POGZ: variants seen among roughly 807,000 people sequenced by gnomAD.
POGZ encodes the protein pogo transposable element with ZNF domain.
Under a neutral mutation model 134.6 loss-of-function variants are expected in POGZ, and 17 were observed. That is an observed-to-expected ratio of 0.13 (90% CI 0.09 to 0.19). POGZ has a LOEUF of 0.19. Among genes scored for constraint, POGZ ranks in the 10% least tolerant of loss-of-function variants. The pLI, the probability that POGZ is intolerant of heterozygous loss-of-function variation, is 1.00. For synonymous variants in POGZ, 693 were observed against 657.1 expected, an observed-to-expected ratio of 1.05 and a Z score of -0.84; for missense variants, 1,306 against 1,769.7, an observed-to-expected ratio of 0.74 and a Z score of 4.70.
chr1:151,440,451 A>C (rs1298965090), intron 3 of POGZ, among the ~76,000 whole-genome samples: 2 of 152,098 alleles, frequency 1.3e-5, no homozygotes, highest in African/African-American at 2.4e-5. Context: ...AAAATAAAAT[A>C]CACTAAAAAC....
intron 1 of POGZ, among the ~76,000 whole-genome samples, chr1:151,451,822 C>T (rs1027062075): frequency 3.3e-5 from 5 of 151,468 alleles, no homozygotes; most frequent in African/African-American, 7.3e-5. Flanking sequence ...TTCGGCTGGA[C>T]GCGGTGGCTC....
intron 1 of POGZ, among the ~76,000 whole-genome samples, 150 bp downstream of exon 1, chr1:151,458,973 CCGCGCCGCCACTCGCGGTGGGCGGGGGCG>C: frequency 6.9e-6 from 1 of 144,870 alleles, no homozygotes; most frequent in Non-Finnish European, 1.5e-5. Context: ...CTGCCGCGGG[CCGCGCCGCCACTCGCGGTGGGCGGGGGCG>C]CGCACCGCCG....
intron 1 of POGZ, among the ~76,000 whole-genome samples, chr1:151,450,065 T>C (rs1661855278): frequency 7.7e-6 from 1 of 129,220 alleles, no homozygotes; most frequent in African/African-American, 2.9e-5. Context: ...GGAGTCTTGC[T>C]CTGTCACCCA....
At chr1:151,440,670 T>C (rs1481059033) in intron 3 of POGZ, among the ~76,000 whole-genome samples, 1 of 152,162 alleles carries the variant, frequency 6.6e-6, no homozygotes, top group Non-Finnish European at 1.5e-5. Context: ...GGGTTGACAT[T>C]TTCTCTCCAA....
chr1:151,426,163 A>G (rs146790201), intron 7 of POGZ: 16 of 150,408 alleles, frequency 1.1e-4, no homozygotes, highest in Non-Finnish European at 1.3e-4. Context: ...AGAAAGGTCT[A>G]TTCAGTCCTT....
At chr1:151,439,993 T>G (rs533502645) in intron 3 of POGZ, among the ~76,000 whole-genome samples, 1 of 152,274 alleles carries the variant, frequency 6.6e-6, no homozygotes, top group South Asian at 2.1e-4. Flanking sequence ...ACTATTAAAA[T>G]AAGATATTCA....
chr1:151,431,378 TAGGTAAA>T (rs1484781800), intron 3 of POGZ, among the ~76,000 whole-genome samples: 1 of 152,242 alleles, frequency 6.6e-6, no homozygotes, highest in Non-Finnish European at 1.5e-5. Flanking sequence ...ATATTTTAAC[TAGGTAAA>T]ACCTATTTTA....
chr1:151,412,162 C>T, intron 11 of POGZ, 134 bp downstream of exon 11: 3 of 566,928 alleles, frequency 5.3e-6, no homozygotes, highest in Non-Finnish European at 9.4e-6. Context: ...ACTGTGTTTA[C>T]TATTTCTTCT....
chr1:151,451,433 T>C (rs1334175889), intron 1 of POGZ, among the ~76,000 whole-genome samples: 1 of 151,852 alleles, frequency 6.6e-6, no homozygotes, highest in Admixed American at 6.6e-5. Flanking sequence ...TGCAAGCGAT[T>C]CTCTTGCTTC....
chr1:151,423,902 A>G (rs373393640), intron 9 of POGZ, 47 bp downstream of exon 9: 3 of 1,392,860 alleles, frequency 2.2e-6, no homozygotes, highest in Admixed American at 2.0e-5. Context: ...AAGAAAATGT[A>G]AGTCTTCTCT....
chr1:151,413,014 G>T (rs1344385297), intron 10 of POGZ, among the ~76,000 whole-genome samples: 2 of 151,838 alleles, frequency 1.3e-5, no homozygotes, highest in Non-Finnish European at 2.9e-5. Flanking sequence ...ATGTTGGCCA[G>T]GTTGGTCTCG....
At chr1:151,455,894 CTTTTTTTTTTTT>C (rs768038263) in intron 1 of POGZ, among the ~76,000 whole-genome samples, 1 of 117,590 alleles carries the variant, frequency 8.5e-6, no homozygotes, top group South Asian at 2.7e-4. Context: ...TAGTTTCTTT[CTTTTTTTTTTTT>C]TTTTTTTTTT....
chr1:151,432,632 TG>T (rs1658884042), intron 3 of POGZ, among the ~76,000 whole-genome samples: 1 of 152,198 alleles, frequency 6.6e-6, no homozygotes, highest in Non-Finnish European at 1.5e-5. Flanking sequence ...ACCACCACCC[TG>T]CTTCAATAAT....
rs898973888 is a variant in POGZ at position 151,428,230 on chromosome 1, G to T, written c.752C>A (p.Ser251Tyr). 5 of 1,613,894 alleles carry T rather than the reference G, an allele frequency of 3.1e-6. No individual in the cohort carries two copies. In the African/African-American group the frequency reaches 6.7e-5, roughly 22 times the overall value. Residue 251 changes from serine to tyrosine, a missense_variant, in exon 6 of 19, where the codon TCC (serine) becomes TAC (tyrosine). Ser to Tyr is a moderately radical substitution (Grantham distance 144, BLOSUM62 -2). Transcript: ENST00000271715. The part of the protein sequence containing the change: ...VPQSQSQQTK[S>Y]TPSTSTTPTA... ...GGGAGTGGTAGAAGTGCTGGGAGTG[G>T]ACTTGGTCTGCTGGGACTGGGACTG...
At chr1:151,437,770 C>A (rs1479037491) in intron 3 of POGZ, among the ~76,000 whole-genome samples, 1 of 151,956 alleles carries the variant, frequency 6.6e-6, no homozygotes, top group African/African-American at 2.4e-5. Context: ...AAACGTTATT[C>A]TCATTTGCTA....
chr1:151,420,064 T>TA (rs1352472960), intron 10 of POGZ, among the ~76,000 whole-genome samples: 1 of 151,922 alleles, frequency 6.6e-6, no homozygotes, highest in Non-Finnish European at 1.5e-5. Flanking sequence ...GGCATATGCC[T>TA]ACAGTCCCAG....
chr1:151,453,307 C>T (rs564529433), intron 1 of POGZ, among the ~76,000 whole-genome samples: 81 of 152,080 alleles, frequency 5.3e-4, no homozygotes, highest in African/African-American at 1.9e-3. Context: ...CATATCTTAG[C>T]TGTGATATTC....
At chr1:151,438,267 T>C (rs927883681) in intron 3 of POGZ, among the ~76,000 whole-genome samples, 5 of 152,026 alleles carry the variant, frequency 3.3e-5, no homozygotes, top group Non-Finnish European at 5.9e-5. Flanking sequence ...TACAGAACTG[T>C]ATGTATTTTT....
At chr1:151,449,635 G>A (rs1236759313) in intron 1 of POGZ, among the ~76,000 whole-genome samples, 7 of 152,248 alleles carry the variant, frequency 4.6e-5, no homozygotes, top group Admixed American at 3.3e-4. Flanking sequence ...AGTGGCTCAC[G>A]CCTGTAATCC....
Sources: gnomAD v4.1 joint callset for allele counts (sites outside exome capture counted in the v4.1 genomes callset) on GRCh38, gnomAD v4.1.1 for gene constraint, MANE v1.5 for transcripts, NCBI Gene and HGNC (gene_info 2026-07-23, HGNC 2026-07-21) for gene names.